TXNDC5: variants seen among roughly 807,000 people sequenced by gnomAD.
TXNDC5 encodes the protein thioredoxin domain-containing protein 5.
A neutral mutation model predicts 52.6 loss-of-function variants in TXNDC5; 44 were observed. That is an observed-to-expected ratio of 0.84 (90% CI 0.66 to 1.08). The LOEUF is 1.08. Ranked by LOEUF, TXNDC5 falls within the 50% of genes least tolerant of loss-of-function variation. The pLI is 0.00. For missense variants in TXNDC5, 600 were observed against 565.5 expected, an observed-to-expected ratio of 1.06 and a Z score of -0.62; for synonymous variants, 241 against 234.4, an observed-to-expected ratio of 1.03 and a Z score of -0.26.
At chr6:7,883,701 G>A (rs999861128) in intron 9 of TXNDC5, among the ~76,000 whole-genome samples, 3 of 152,088 alleles carry the variant, frequency 2.0e-5, no homozygotes, top group African/African-American at 7.2e-5. Flanking sequence ...GTGGCAACTC[G>A]TTTCTAAGAA....
chr6:7,887,893 T>C (rs1056330083), intron 7 of TXNDC5, among the ~76,000 whole-genome samples: 1 of 152,110 alleles, frequency 6.6e-6, no homozygotes, highest in African/African-American at 2.4e-5. Flanking sequence ...GTGGCAGCCC[T>C]GCCCAGCCTA....
chr6:7,909,630 G>A (rs1033812479), intron 1 of TXNDC5, among the ~76,000 whole-genome samples: 3 of 152,190 alleles, frequency 2.0e-5, no homozygotes, highest in African/African-American at 7.2e-5. Flanking sequence ...GAGGTGACAG[G>A]ACAGCCTGGA....
intron 1 of TXNDC5, 96 bp downstream of exon 1, chr6:7,910,418 C>A: frequency 3.3e-6 from 4 of 1,218,332 alleles, no homozygotes; most frequent in Non-Finnish European, 4.1e-6. Context: ...CGTCGGCGTC[C>A]ACGTGGCCCC....
intron 1 of TXNDC5, among the ~76,000 whole-genome samples, chr6:7,907,164 CCT>C (rs2113372533): frequency 7.2e-6 from 1 of 138,750 alleles, no homozygotes; most frequent in African/African-American, 2.9e-5. Context: ...TTTTTTTTTC[CCT>C]TTTTTTTTTT....
chr6:7,887,371 G>A (rs116356139), intron 7 of TXNDC5, among the ~76,000 whole-genome samples: 2,852 of 152,260 alleles, frequency 0.019, 91 homozygotes, highest in African/African-American at 0.064. Context: ...CTACACAGCC[G>A]AAAGCCTTGA....
chr6:7,885,227 G>A (rs886371853), intron 8 of TXNDC5, among the ~76,000 whole-genome samples: 5 of 152,278 alleles, frequency 3.3e-5, no homozygotes, highest in Non-Finnish European at 4.4e-5. Flanking sequence ...GAAAAGTGAC[G>A]CCTTTATCAT....
chr6:7,898,962 C>T (rs1367550392), intron 3 of TXNDC5, among the ~76,000 whole-genome samples: 3 of 152,070 alleles, frequency 2.0e-5, no homozygotes, highest in African/African-American at 4.8e-5. Context: ...ATTAGAGACT[C>T]GGGGACTGAG....
intron 1 of TXNDC5, among the ~76,000 whole-genome samples, chr6:7,908,736 C>CTGAGGCAGGAGAATCACT (rs1414311308): frequency 6.6e-6 from 1 of 152,080 alleles, no homozygotes; most frequent in African/African-American, 2.4e-5. Context: ...ACTTCAGAGG[C>CTGAGGCAGGAGAATCACT]TGAGGCAGGA....
intron 4 of TXNDC5, among the ~76,000 whole-genome samples, chr6:7,892,166 G>A (rs191526213): frequency 2.6e-5 from 4 of 152,340 alleles, no homozygotes; most frequent in Admixed American, 2.6e-4. Flanking sequence ...TGTCATGGTC[G>A]ACCACATCCC....
intron 8 of TXNDC5, among the ~76,000 whole-genome samples, chr6:7,885,468 T>C (rs769718685): frequency 6.7e-4 from 102 of 152,208 alleles, no homozygotes; most frequent in Admixed American, 1.3e-3. Context: ...CAAGACCACG[T>C]GGCATGCAGG....
In TXNDC5 at chr6:7,883,112, C is replaced by G; in HGVS notation, c.*32G>C. ...AACTCCTAAACGCAGGGTGCGGGAG[C>G]TGGGCAGGAGAGGTGACCTCCAACT... On this transcript the variant is annotated 3_prime_UTR_variant, in exon 10 of 10. Coordinates refer to ENST00000379757, the MANE Select transcript of TXNDC5 (RefSeq NM_030810.5). The G allele has an allele frequency of 6.2e-7, 1 of 1,613,738 alleles. No homozygotes were observed. Among genetic ancestry groups the G allele is most frequent in the South Asian group, 1.1e-5 (1 of 91,056 alleles).
rs562808603 is a variant in TXNDC5 at position 7,884,431 on chromosome 6, G to C, written c.1104C>G (p.Phe368Leu). 1 of 1,614,102 alleles carries C rather than the reference G, an allele frequency of 6.2e-7. No homozygotes were observed. The highest frequency in any genetic ancestry group is 8.5e-7 in the Non-Finnish European group (1 of 1,180,004). ...PTWEELSKKE[F>L]PGLAGVKIAE... Reference sequence around the variant, plus strand: ...CGATCTTGACCCCCGCCAGACCAGGGAATTCCTTTTTAGAGAGTTCCTCCC... The same window carrying C: ...CGATCTTGACCCCCGCCAGACCAGGCAATTCCTTTTTAGAGAGTTCCTCCC... The change falls in exon 9 of 10, where the codon TTC becomes TTG. Residue 368 changes from phenylalanine (F) to leucine (L), a missense_variant. Coordinates refer to ENST00000379757, the MANE Select transcript of TXNDC5 (RefSeq NM_030810.5).
intron 9 of TXNDC5, among the ~76,000 whole-genome samples, chr6:7,883,863 A>C: frequency 6.6e-6 from 1 of 152,242 alleles, no homozygotes; most frequent in East Asian, 1.9e-4. Flanking sequence ...CTGTGCTAAC[A>C]GCTTGGAATG....
At position 7,905,762 on chromosome 6, in the gene TXNDC5, T is replaced by C. The variant is rs115584368; in HGVS notation, c.264-1039A>G. On this transcript the variant is annotated intron_variant, in intron 1 of 9. Coordinates refer to ENST00000379757, the MANE Select transcript of TXNDC5 (RefSeq NM_030810.5). ...TATGACACATGGGTTTGTTTGCTAT[T>C]TAATATGGCAGGAACACACTGATGC... Among the ~76,000 whole-genome samples, 215 of 152,374 alleles carry C rather than the reference T, an allele frequency of 1.4e-3. 1 individual carries two copies. The highest frequency in any genetic ancestry group is 2.6e-3 in the Non-Finnish European group (174 of 68,040).
Position 7,882,978 on chromosome 6 carries a change from T to TAG in TXNDC5, c.*164_*165dup, listed in dbSNP as rs1312654097. On this transcript the variant is annotated 3_prime_UTR_variant, in exon 10 of 10. Transcript: ENST00000379757. The stretch of plus-strand genomic sequence containing the variant: ...GAAACTTAACTTAATAAAGAATCTG[T>TAG]AGAGTGTGTTGGCTTGGAAAACACA... 3 of 816,064 alleles carry TAG rather than the reference T, an allele frequency of 3.7e-6. No individual in the cohort carries two copies. In the African/African-American group the frequency reaches 5.2e-5, roughly 14 times the overall value. 50.6% of individuals were successfully genotyped at this position (816,064 alleles called of 1,614,324 possible).
intron 2 of TXNDC5, 26 bp downstream of exon 2, chr6:7,904,548 A>G: frequency 1.2e-6 from 2 of 1,611,616 alleles, no homozygotes; most frequent in South Asian, 2.2e-5. Context: ...CCACCTAGGA[A>G]GTGTGCCCCC....
In TXNDC5 at chr6:7,891,688, G is replaced by C. The variant is rs1289892952; in HGVS notation, c.665C>G (p.Ala222Gly). ...CAGCTGCTCCCAGGTTGGAGCCAGG[G>C]CTTTGCAGTGACCACACCACGGAGC... is the stretch of plus-strand genomic sequence containing the variant. ...FFAPWCGHCK[A>G]LAPTWEQLAL... The change falls in exon 5 of 10, where the codon GCC becomes GGC. Residue 222 changes from alanine (A) to glycine (G), a missense_variant. Ala to Gly is a moderately conservative substitution (Grantham distance 60). Coordinates refer to ENST00000379757, the MANE Select transcript of TXNDC5 (RefSeq NM_030810.5). 6.2e-7 allele frequency: 1 copy of C among 1,613,922 alleles called. No individual in the cohort carries two copies. The highest frequency in any genetic ancestry group is 8.5e-7 in the Non-Finnish European group (1 of 1,179,938).
intron 5 of TXNDC5, 95 bp downstream of exon 5, chr6:7,891,526 T>G: frequency 4.3e-6 from 4 of 923,576 alleles, no homozygotes; most frequent in Non-Finnish European, 6.6e-6. Flanking sequence ...TAAATCAAGT[T>G]TGCGACTTTG....
At chr6:7,905,278 T>C (rs1186182712) in intron 1 of TXNDC5, among the ~76,000 whole-genome samples, 1 of 152,194 alleles carries the variant, frequency 6.6e-6, no homozygotes, top group African/African-American at 2.4e-5. Flanking sequence ...TACTCCTCCC[T>C]TGGACAGTAG....
Sources: allele counts gnomAD v4.1 joint callset (sites outside exome capture counted in the v4.1 genomes callset), GRCh38; gene constraint gnomAD v4.1.1; transcripts MANE v1.5; gene names NCBI Gene and HGNC (gene_info 2026-07-23, HGNC 2026-07-21).